Variants in FRMD4A observed in about 807,000 individuals in gnomAD.
FRMD4A encodes FERM domain-containing protein 4A.
A neutral mutation model predicts 129.1 loss-of-function variants in FRMD4A; 29 were observed. The ratio of observed to expected loss-of-function variants is 0.22; its 90% CI spans 0.17 to 0.31. The LOEUF (loss-of-function observed/expected upper bound fraction) is 0.31. Among genes scored for constraint, FRMD4A ranks in the 10% least tolerant of loss-of-function variants. FRMD4A has a pLI of 1.00. For synonymous variants in FRMD4A, 634 were observed against 571.6 expected, an observed-to-expected ratio of 1.11 and a Z score of -1.56; for missense variants, 1,272 against 1,375.8, an observed-to-expected ratio of 0.92 and a Z score of 1.19.
intron 2 of FRMD4A, among the ~76,000 whole-genome samples, chr10:14,156,244 T>G (rs1035913913): frequency 6.6e-6 from 1 of 151,988 alleles, no homozygotes; most frequent in Non-Finnish European, 1.5e-5. Flanking sequence ...CCATGATGAG[T>G]GAATTACAAC....
intron 2 of FRMD4A, among the ~76,000 whole-genome samples, chr10:14,143,782 C>T (rs113219380): frequency 0.048 from 7,313 of 152,010 alleles, 478 homozygotes; most frequent in African/African-American, 0.15. Flanking sequence ...GCCTGGCTAA[C>T]TTTTGTATGT....
chr10:14,043,690 C>T (rs146273790), intron 2 of FRMD4A, among the ~76,000 whole-genome samples: 9 of 152,288 alleles, frequency 5.9e-5, no homozygotes, highest in African/African-American at 4.8e-5. Context: ...GCACAGACAA[C>T]GACGCCATCC....
chr10:13,812,993 G>T (rs2093475186), intron 3 of FRMD4A, among the ~76,000 whole-genome samples: 1 of 152,262 alleles, frequency 6.6e-6, no homozygotes, highest in Non-Finnish European at 1.5e-5. Flanking sequence ...TTACGAAGTA[G>T]AATGCAAGAT....
chr10:13,778,222 CT>C (rs1275261166), intron 6 of FRMD4A, among the ~76,000 whole-genome samples: 1 of 151,784 alleles, frequency 6.6e-6, no homozygotes, highest in Non-Finnish European at 1.5e-5. Flanking sequence ...TTTCAAAGCG[CT>C]TTCACATTTA....
chr10:13,868,884 GTTA>G (rs1360038248), intron 2 of FRMD4A, among the ~76,000 whole-genome samples: 1 of 152,228 alleles, frequency 6.6e-6, no homozygotes, highest in East Asian at 1.9e-4. Flanking sequence ...CCAGATGGAA[GTTA>G]TTAAGTGAGT....
intron 2 of FRMD4A, among the ~76,000 whole-genome samples, chr10:13,982,085 T>G (rs2131405686): frequency 6.6e-6 from 1 of 152,326 alleles, no homozygotes; most frequent in South Asian, 2.1e-4. Context: ...TTCCCCAAGG[T>G]GGTTTCTGGA....
intron 2 of FRMD4A, among the ~76,000 whole-genome samples, chr10:14,121,280 A>G (rs145202055): frequency 2.0e-3 from 301 of 152,334 alleles, no homozygotes; most frequent in African/African-American, 5.8e-3. Context: ...AGACAGGAGA[A>G]TTGCCTGAAC....
chr10:13,981,536 C>G (rs1380212554), intron 2 of FRMD4A, among the ~76,000 whole-genome samples: 1 of 151,654 alleles, frequency 6.6e-6, no homozygotes, highest in Non-Finnish European at 1.5e-5. Context: ...ATCAGGAGTT[C>G]AAGACCAGCC....
chr10:13,892,103 C>G (rs1423417467), intron 2 of FRMD4A, among the ~76,000 whole-genome samples: 1 of 151,778 alleles, frequency 6.6e-6, no homozygotes, highest in South Asian at 2.1e-4. Flanking sequence ...CCGTGGCACC[C>G]GCAGGCGAGA....
chr10:14,034,497 G>A (rs1833405136), intron 2 of FRMD4A, among the ~76,000 whole-genome samples: 2 of 152,078 alleles, frequency 1.3e-5, no homozygotes, highest in African/African-American at 2.4e-5. Flanking sequence ...TCCATGAGGT[G>A]AATATATACA....
intron 2 of FRMD4A, among the ~76,000 whole-genome samples, chr10:13,953,191 TC>T (rs113292792): frequency 1.3e-5 from 2 of 152,340 alleles, no homozygotes; most frequent in African/African-American, 4.8e-5. Context: ...TAGATGCTCT[TC>T]CCCTTGTGAA....
intron 2 of FRMD4A, among the ~76,000 whole-genome samples, chr10:14,113,090 C>A (rs968373314): frequency 1.3e-5 from 2 of 152,122 alleles, no homozygotes; most frequent in African/African-American, 2.4e-5. Flanking sequence ...AGGAGAAAAC[C>A]AGCTCAAAGA....
At chr10:14,091,431 T>G (rs772804978) in intron 2 of FRMD4A, among the ~76,000 whole-genome samples, 78 of 152,122 alleles carry the variant, frequency 5.1e-4, no homozygotes, top group Non-Finnish European at 1.0e-3. Context: ...TTTTTGGTTT[T>G]GTTTTGTTTT....
chr10:13,762,967 A>G lies in FRMD4A; in HGVS notation c.385-287T>C, dbSNP rs576316290. 5.3e-5 allele frequency among the ~76,000 whole-genome samples: 8 copies of G among 152,284 alleles called. No individual in the cohort carries two copies. The South Asian group carries it at 1.7e-3, about 32-fold the overall frequency. ...TCCAGCCTGGGTAATGGGGTGAGTG[A>G]GACCCTGGCTCAAAACAAACAAACA... On this transcript the variant is annotated intron_variant, in intron 6 of 24. Transcript: ENST00000357447.
intron 2 of FRMD4A, among the ~76,000 whole-genome samples, chr10:13,958,284 T>G (rs912524244): frequency 7.0e-6 from 1 of 143,032 alleles, no homozygotes; most frequent in Non-Finnish European, 1.5e-5. Flanking sequence ...GACCATTGTT[T>G]TTTTTTTTTT....
intron 2 of FRMD4A, among the ~76,000 whole-genome samples, chr10:14,239,524 G>A (rs1458963239): frequency 6.6e-6 from 1 of 152,178 alleles, no homozygotes; most frequent in Admixed American, 6.5e-5. Context: ...CTACTAGGGA[G>A]GCTGAGGCAG....
chr10:14,224,333 T>A (rs1843364281), intron 2 of FRMD4A, among the ~76,000 whole-genome samples: 1 of 152,194 alleles, frequency 6.6e-6, no homozygotes, highest in Non-Finnish European at 1.5e-5. Flanking sequence ...TCTGCAGCAC[T>A]TTGTAGCTTT....
At chr10:13,845,158 G>A (rs1191027513) in intron 3 of FRMD4A, among the ~76,000 whole-genome samples, 1 of 152,172 alleles carries the variant, frequency 6.6e-6, no homozygotes, top group Non-Finnish European at 1.5e-5. Flanking sequence ...TGACTGATTT[G>A]ACATCACTGG....
intron 2 of FRMD4A, among the ~76,000 whole-genome samples, chr10:14,268,475 G>A (rs1845053320): frequency 6.6e-6 from 1 of 152,150 alleles, no homozygotes; most frequent in South Asian, 2.1e-4. Flanking sequence ...GTCCTAAACA[G>A]TGCAAATGTA....
Sources: gnomAD v4.1 joint callset for allele counts (sites outside exome capture counted in the v4.1 genomes callset) on GRCh38, gnomAD v4.1.1 for gene constraint, MANE v1.5 for transcripts, NCBI Gene and HGNC (gene_info 2026-07-23, HGNC 2026-07-21) for gene names.